Variants in TRPC4 observed in about 807,000 individuals in gnomAD.
TRPC4 encodes the protein short transient receptor potential channel 4.
A neutral mutation model predicts 99.4 loss-of-function variants in TRPC4; 49 were observed. The ratio of observed to expected loss-of-function variants is 0.49; its 90% confidence interval spans 0.39 to 0.63. TRPC4 has a LOEUF of 0.63. Among genes scored for constraint, TRPC4 ranks in the 20% least tolerant of loss-of-function variants. The pLI, the probability that TRPC4 is intolerant of heterozygous loss-of-function variation, is 0.00. For synonymous variants in TRPC4, 454 were observed against 425.9 expected (o/e 1.07, Z -0.81); for missense variants, 898 against 1,152.9 (o/e 0.78, Z 3.20).
At chr13:37,844,051 C>T (rs1958815132) in intron 1 of TRPC4, among the ~76,000 whole-genome samples, 1 of 152,194 alleles carries the variant, frequency 6.6e-6, no homozygotes, top group Non-Finnish European at 1.5e-5. Context: ...AGTTTCCCTA[C>T]AATTTTGGAA....
At chr13:37,813,467 A>G (rs1957759034) in intron 1 of TRPC4, among the ~76,000 whole-genome samples, 1 of 151,744 alleles carries the variant, frequency 6.6e-6, no homozygotes, top group South Asian at 2.1e-4. Context: ...AGCAATCCAT[A>G]TAACTGATGA....
intron 3 of TRPC4, among the ~76,000 whole-genome samples, chr13:37,742,919 T>A (rs1030477434): frequency 6.6e-6 from 1 of 152,194 alleles, no homozygotes; most frequent in East Asian, 1.9e-4. Flanking sequence ...TATTCCTGAA[T>A]TTTTTAAATA....
At chr13:37,720,726 T>G (rs1954843157) in intron 3 of TRPC4, among the ~76,000 whole-genome samples, 1 of 152,180 alleles carries the variant, frequency 6.6e-6, no homozygotes, top group Admixed American at 6.6e-5. Context: ...TATTTTTCAT[T>G]TTTCATTTGA....
At chr13:37,852,503 G>A (rs987985137) in intron 1 of TRPC4, among the ~76,000 whole-genome samples, 3 of 152,170 alleles carry the variant, frequency 2.0e-5, no homozygotes, top group Non-Finnish European at 2.9e-5. Flanking sequence ...TGGGCCCTGA[G>A]ACATGCTGGC....
intron 10 of TRPC4, among the ~76,000 whole-genome samples, 178 bp downstream of exon 10, chr13:37,638,862 T>C (rs1372105552): frequency 6.6e-6 from 1 of 152,176 alleles, no homozygotes; most frequent in Non-Finnish European, 1.5e-5. Flanking sequence ...TGAGAAGAAA[T>C]TTCACCACTT....
At chr13:37,642,736 C>T (rs77336921) in intron 8 of TRPC4, among the ~76,000 whole-genome samples, 430 of 2,754 alleles carry the variant, frequency 0.16, 5 homozygotes, top group Middle Eastern at 0.25. Flanking sequence ...CTTTCTTTTT[C>T]TTTTTTTTTT....
intron 8 of TRPC4, among the ~76,000 whole-genome samples, chr13:37,649,164 C>T (rs1233816508): frequency 6.6e-6 from 1 of 152,122 alleles, no homozygotes; most frequent in African/African-American, 2.4e-5. Flanking sequence ...TATATTTGAT[C>T]TGGAAAGGAG....
intron 1 of TRPC4, among the ~76,000 whole-genome samples, chr13:37,805,353 T>G (rs967471460): frequency 6.6e-6 from 1 of 152,032 alleles, no homozygotes; most frequent in Admixed American, 6.6e-5. Context: ...AAGTATGTCT[T>G]TACTGCTGTT....
At chr13:37,721,412 A>G (rs1242723321) in intron 3 of TRPC4, among the ~76,000 whole-genome samples, 1 of 152,158 alleles carries the variant, frequency 6.6e-6, no homozygotes, top group Non-Finnish European at 1.5e-5. Flanking sequence ...TTCAGCACTA[A>G]TGTTAAAATT....
chr13:37,699,733 C>G (rs1444701683), intron 3 of TRPC4, among the ~76,000 whole-genome samples: 2 of 152,172 alleles, frequency 1.3e-5, no homozygotes, highest in Non-Finnish European at 2.9e-5. Flanking sequence ...CAAGGAAGAG[C>G]TAAATGCATA....
intron 2 of TRPC4, among the ~76,000 whole-genome samples, chr13:37,766,342 G>A (rs1331808661): frequency 1.3e-5 from 2 of 151,386 alleles, no homozygotes; most frequent in Non-Finnish European, 3.0e-5. Flanking sequence ...AGAGAATGAG[G>A]CCTCAGCAAT....
chr13:37,686,331 T>C (rs1953477895), intron 4 of TRPC4, among the ~76,000 whole-genome samples: 1 of 152,080 alleles, frequency 6.6e-6, no homozygotes, highest in South Asian at 2.1e-4. Context: ...CATACATATA[T>C]ATGTATGTGT....
intron 2 of TRPC4, among the ~76,000 whole-genome samples, chr13:37,774,522 G>A (rs1192039966): frequency 6.6e-6 from 1 of 151,676 alleles, no homozygotes; most frequent in Non-Finnish European, 1.5e-5. Context: ...AAACTTTTAT[G>A]TTCTGGGGTA....
chr13:37,658,986 A>G (rs1490125180), intron 6 of TRPC4, among the ~76,000 whole-genome samples: 1 of 152,200 alleles, frequency 6.6e-6, no homozygotes, highest in African/African-American at 2.4e-5. Flanking sequence ...ATTCTCGAAT[A>G]AGAGAAGAAA....
intron 1 of TRPC4, among the ~76,000 whole-genome samples, chr13:37,847,374 C>T (rs1958934520): frequency 6.6e-6 from 1 of 151,784 alleles, no homozygotes; most frequent in South Asian, 2.1e-4. Context: ...AATTAGAAAT[C>T]AATAATAGGA....
chr13:37,844,247 C>T (rs958825357), intron 1 of TRPC4, among the ~76,000 whole-genome samples: 1 of 152,070 alleles, frequency 6.6e-6, no homozygotes, highest in African/African-American at 2.4e-5. Flanking sequence ...GACTAGCTGA[C>T]AGCATCACAC....
chr13:37,770,644 A>G (rs1956525228), intron 2 of TRPC4, among the ~76,000 whole-genome samples: 1 of 151,670 alleles, frequency 6.6e-6, no homozygotes, highest in African/African-American at 2.4e-5. Flanking sequence ...CAGATGATAA[A>G]GGATTAATGA....
chr13:37,792,489 A>G (rs1957145867), intron 1 of TRPC4, among the ~76,000 whole-genome samples: 1 of 152,178 alleles, frequency 6.6e-6, no homozygotes, highest in South Asian at 2.1e-4. Context: ...ACTGTGTTAA[A>G]GACTCACTAC....
intron 3 of TRPC4, among the ~76,000 whole-genome samples, chr13:37,716,428 A>T (rs1296480322): frequency 1.3e-5 from 2 of 152,236 alleles, no homozygotes; most frequent in African/African-American, 4.8e-5. Flanking sequence ...ACTGTTCATT[A>T]GCAAAGGTTT....
Sources: allele counts gnomAD v4.1 joint callset (sites outside exome capture counted in the v4.1 genomes callset), GRCh38; gene constraint gnomAD v4.1.1; transcripts MANE v1.5; gene names NCBI Gene and HGNC (gene_info 2026-07-23, HGNC 2026-07-21).